S100A7: variants seen among roughly 807,000 people sequenced by gnomAD.
S100A7 encodes the protein protein S100-A7.
S100A7 carries 2 observed loss-of-function variants against 3.8 expected under a neutral mutation model. The ratio of observed to expected loss-of-function variants is 0.53; its 90% CI spans 0.22 to 1.67. The LOEUF is 1.67. Ranked by LOEUF, S100A7 falls within the 40% of genes most tolerant of loss-of-function variation. S100A7 has a pLI of 0.20. For synonymous variants in S100A7, 55 were observed against 45.9 expected (o/e 1.20, Z -0.80); for missense variants, 130 against 126.3 (o/e 1.03, Z -0.14).
In S100A7 at chr1:153,458,733, T is replaced by C. The variant is rs181319514; in HGVS notation, c.141+140A>G. On this transcript the variant is annotated intron_variant, in intron 2 of 2. Transcript: ENST00000368723. Reference sequence around the variant, plus strand: ...CATTTTCATACTTTTTTGCCTACCATCCTTAGATTCACATATGATCCAAGT... The same window carrying C: ...CATTTTCATACTTTTTTGCCTACCACCCTTAGATTCACATATGATCCAAGT... The C allele has an allele frequency of 1.2e-4, 122 of 1,013,426 alleles. 1 individual carries two copies. The East Asian group carries it at 2.9e-3, about 24-fold the overall frequency. The allele number at this position is 1,013,426 out of a possible 1,614,324, so 62.8% of individuals were successfully genotyped here. A position where few individuals can be genotyped will look rare whatever the true frequency, so the allele number is the denominator to read the frequency against.
rs200912101 is a variant in S100A7 at position 153,457,983 on chromosome 1, A to G, written c.142-13T>C. The G allele has an allele frequency of 1.3e-5, 21 of 1,612,410 alleles. No homozygotes were observed. Among genetic ancestry groups the G allele is most frequent in the Admixed American group, 5.0e-5 (3 of 59,828 alleles). ...TGCCCTTTTTGTCCTGTGAAGAGAA[A>G]AACATACAAAATAGAAAAATTCAAT... is the stretch of plus-strand genomic sequence containing the variant. On this transcript the variant is annotated splice_polypyrimidine_tract_variant and intron_variant, in intron 2 of 2. Coordinates refer to ENST00000368723, the MANE Select transcript of S100A7 (RefSeq NM_002963.4).
intron 1 of S100A7, among the ~76,000 whole-genome samples, chr1:153,459,584 C>T (rs1360283614): frequency 6.6e-6 from 1 of 152,122 alleles, no homozygotes; most frequent in African/African-American, 2.4e-5. Context: ...TGAGCGTGGA[C>T]GTGAGTGTTA....
At chr1:153,458,694 G>A (rs899669300) in intron 2 of S100A7, among the ~76,000 whole-genome samples, 179 bp downstream of exon 2, 34 of 152,182 alleles carry the variant, frequency 2.2e-4, no homozygotes, top group African/African-American at 8.2e-4. Context: ...CTTTATATCT[G>A]TATAACTCTT....
In S100A7 at chr1:153,458,809, G is replaced by A. The variant is rs569944921; in HGVS notation, c.141+64C>T. On this transcript the variant is annotated intron_variant, in intron 2 of 2. Transcript: ENST00000368723. Reference sequence around the variant, plus strand: ...AATTTTTTAATCAGAGGGTGAGGGTGATCTGTCCAAGGCCACATAGCAAAA... The same window carrying A: ...AATTTTTTAATCAGAGGGTGAGGGTAATCTGTCCAAGGCCACATAGCAAAA... The A allele has an allele frequency of 4.7e-4, 728 of 1,563,304 alleles. 10 individuals are homozygous for A. The South Asian group carries it at 6.9e-3, about 15-fold the overall frequency.
At chr1:153,460,497 T>C (rs1663802382) in intron 1 of S100A7, 111 bp downstream of exon 1, 2 of 645,746 alleles carry the variant, frequency 3.1e-6, no homozygotes, top group Non-Finnish European at 5.7e-6. Context: ...AGAGCTGGCC[T>C]AGACCCAGGC....
At chr1:153,458,541 C>T (rs1663741958) in intron 2 of S100A7, among the ~76,000 whole-genome samples, 1 of 152,110 alleles carries the variant, frequency 6.6e-6, no homozygotes, top group Non-Finnish European at 1.5e-5. Context: ...TCCCAGTAAT[C>T]TCAGGGATGT....
intron 1 of S100A7, among the ~76,000 whole-genome samples, 165 bp downstream of exon 1, chr1:153,460,443 G>C (rs1317177364): frequency 6.6e-6 from 1 of 152,210 alleles, no homozygotes; most frequent in Non-Finnish European, 1.5e-5. Flanking sequence ...ATACAGACGT[G>C]GGCTTTTGGG....
In S100A7 at chr1:153,458,120, T is replaced by C. The variant is rs146282247; in HGVS notation, c.142-150A>G. 1.9e-3 allele frequency: 1,630 copies of C among 856,386 alleles called. 14 individuals carry two copies. The African/African-American group carries it at 0.023, about 12-fold the overall frequency. 53.0% of individuals were successfully genotyped at this position (856,386 alleles called of 1,614,324 possible). A position where few individuals can be genotyped will look rare whatever the true frequency, so the allele number is the denominator to read the frequency against. ...GAGAGCACAGGGTGAGTGGGTGAAGTTGGGGTGAGGACGTGAGTGTTATCC... is the reference window on the plus strand; with the variant it reads ...GAGAGCACAGGGTGAGTGGGTGAAGCTGGGGTGAGGACGTGAGTGTTATCC... On this transcript the variant is annotated intron_variant, in intron 2 of 2. Coordinates refer to ENST00000368723, the MANE Select transcript of S100A7 (RefSeq NM_002963.4).
chr1:153,460,454 G>C (rs1466419235), intron 1 of S100A7, among the ~76,000 whole-genome samples, 154 bp downstream of exon 1: 1 of 152,226 alleles, frequency 6.6e-6, no homozygotes. Flanking sequence ...GGCTTTTGGG[G>C]TCAAGTGAAG....
chr1:153,458,510 A>G (rs535492502), intron 2 of S100A7, among the ~76,000 whole-genome samples: 112 of 152,158 alleles, frequency 7.4e-4, no homozygotes, highest in Admixed American at 2.0e-3. Flanking sequence ...ATTTCTACTA[A>G]CAATGGAACT....
rs1133002 is a variant in S100A7, at chr1:153,457,941, A to T, written c.171T>A (p.Asp57Glu). The stretch of plus-strand genomic sequence containing the variant: ...CATTCTTGTCCTTTTTCTCAAAGAC[A>T]TCGGCGAGGTAATTTGTGCCCTTTT... ...CDKKGTNYLA[D>E]VFEKKDKNED... The change falls in exon 3 of 3, where the codon GAT becomes GAA. Residue 57 changes from aspartate to glutamate, a missense_variant. Coordinates refer to ENST00000368723, the MANE Select transcript of S100A7 (RefSeq NM_002963.4). 2 of 1,614,180 alleles carry T rather than the reference A, an allele frequency of 1.2e-6. No individual in the cohort carries two copies. The highest frequency in any genetic ancestry group is 2.2e-5 in the East Asian group (1 of 44,886).
At chr1:153,458,630 G>A (rs916881670) in intron 2 of S100A7, among the ~76,000 whole-genome samples, 3 of 152,194 alleles carry the variant, frequency 2.0e-5, no homozygotes, top group African/African-American at 7.2e-5. Flanking sequence ...AGTGCTGGGA[G>A]GGGACTGTGC....
chr1:153,460,113 G>C (rs1663792129), intron 1 of S100A7, among the ~76,000 whole-genome samples: 1 of 152,238 alleles, frequency 6.6e-6, no homozygotes, highest in South Asian at 2.1e-4. Context: ...TTGTGGTAGG[G>C]AGTGACGGAG....
intron 1 of S100A7, among the ~76,000 whole-genome samples, chr1:153,459,437 T>C (rs996457227): frequency 8.5e-5 from 13 of 152,192 alleles, no homozygotes; most frequent in African/African-American, 2.7e-4. Context: ...GTGACAGTCA[T>C]GGGGGCAGGA....
intron 1 of S100A7, among the ~76,000 whole-genome samples, chr1:153,460,064 G>C (rs1663790873): frequency 1.3e-5 from 2 of 152,228 alleles, no homozygotes; most frequent in South Asian, 4.1e-4. Context: ...AGGCCAGAGG[G>C]CAAGCCCTGT....
Position 153,457,781 on chromosome 1 carries a change from C to A in S100A7, c.*25G>T. The A allele has an allele frequency of 1.2e-6, 2 of 1,612,518 alleles. No individual in the cohort carries two copies. Among genetic ancestry groups the A allele is most frequent in the Non-Finnish European group, 1.7e-6 (2 of 1,179,072 alleles). On this transcript the variant is annotated 3_prime_UTR_variant, in exon 3 of 3. Coordinates refer to ENST00000368723, the MANE Select transcript of S100A7 (RefSeq NM_002963.4). The stretch of plus-strand genomic sequence containing the variant: ...AGACATTTTATTGTTCCTGGGGTCT[C>A]TGGAGGCCCATTGGTGGGGCTGGGT...
intron 1 of S100A7, among the ~76,000 whole-genome samples, chr1:153,459,392 G>A (rs1055099956): frequency 1.2e-4 from 18 of 152,198 alleles, no homozygotes; most frequent in African/African-American, 4.3e-4. Flanking sequence ...TCTTAAAAGA[G>A]CACCAAATCC....
intron 2 of S100A7, 52 bp downstream of exon 2, chr1:153,458,821 G>T: frequency 6.2e-7 from 1 of 1,603,178 alleles, no homozygotes; most frequent in Admixed American, 1.7e-5. Flanking sequence ...TCTGTCCAAG[G>T]CCACATAGCA....
At chr1:153,460,259 GGA>G (rs1375742018) in intron 1 of S100A7, among the ~76,000 whole-genome samples, 1 of 152,216 alleles carries the variant, frequency 6.6e-6, no homozygotes, top group Non-Finnish European at 1.5e-5. Context: ...CACCCTCTGT[GGA>G]GCTGGAGCTG....
Sources: gnomAD v4.1 joint callset for allele counts (sites outside exome capture counted in the v4.1 genomes callset) on GRCh38, gnomAD v4.1.1 for gene constraint, MANE v1.5 for transcripts, NCBI Gene and HGNC (gene_info 2026-07-23, HGNC 2026-07-21) for gene names.